CHD6: variants seen among roughly 807,000 people sequenced by gnomAD.
CHD6 encodes the protein chromodomain helicase DNA binding protein 6, also known as ATP-dependent chromatin remodeler CHD6.
Under a neutral mutation model 276.9 loss-of-function variants are expected in CHD6, and 50 were observed. That is an observed-to-expected ratio of 0.18 (90% CI 0.14 to 0.23). The LOEUF is 0.23. Ranked by LOEUF, CHD6 falls within the 10% of genes least tolerant of loss-of-function variation. The pLI is 1.00. For missense variants in CHD6, 2,564 were observed against 3,365.8 expected, an observed-to-expected ratio of 0.76 and a Z score of 5.89; for synonymous variants, 1,173 against 1,229.3, an observed-to-expected ratio of 0.95 and a Z score of 0.96.
At chr20:41,505,687 G>C (rs1023968636) in intron 5 of CHD6, among the ~76,000 whole-genome samples, 2 of 151,928 alleles carry the variant, frequency 1.3e-5, no homozygotes, top group Non-Finnish European at 2.9e-5. Context: ...GAGCAGTCTA[G>C]GGCCTAGTTT....
chr20:41,590,240 A>G (rs975114857), intron 1 of CHD6, among the ~76,000 whole-genome samples: 1 of 152,244 alleles, frequency 6.6e-6, no homozygotes, highest in African/African-American at 2.4e-5. Context: ...CTTACATGTT[A>G]GACCTAAAAC....
At chr20:41,493,411 A>G in intron 10 of CHD6, 127 bp downstream of exon 10, 3 of 938,616 alleles carry the variant, frequency 3.2e-6, no homozygotes, top group Non-Finnish European at 4.9e-6. Context: ...TGAGGGTTCA[A>G]TGAGAAGTAA....
chr20:41,435,969 C>A (rs1212366731), intron 27 of CHD6, among the ~76,000 whole-genome samples: 1 of 152,068 alleles, frequency 6.6e-6, no homozygotes, highest in African/African-American at 2.4e-5. Context: ...ATATGCCAAA[C>A]TGATTTTTAA....
At chr20:41,528,155 G>C (rs1235412924) in intron 3 of CHD6, among the ~76,000 whole-genome samples, 1 of 152,102 alleles carries the variant, frequency 6.6e-6, no homozygotes, top group Non-Finnish European at 1.5e-5. Context: ...TAGCTTCTCT[G>C]AGAAACTGGC....
intron 16 of CHD6, 91 bp downstream of exon 16, chr20:41,483,218 T>G (rs1381529419): frequency 4.3e-6 from 5 of 1,164,120 alleles, no homozygotes; most frequent in East Asian, 5.0e-5. Flanking sequence ...GAATGTTTTG[T>G]GTTTAAACAA....
At chr20:41,430,348 C>T (rs140557523) in intron 27 of CHD6, among the ~76,000 whole-genome samples, 1 of 152,092 alleles carries the variant, frequency 6.6e-6, no homozygotes, top group African/African-American at 2.4e-5. Context: ...TATATAAGAG[C>T]GCTTAAGTTA....
chr20:41,494,760 A>G (rs2043640818), intron 8 of CHD6, among the ~76,000 whole-genome samples: 1 of 152,184 alleles, frequency 6.6e-6, no homozygotes, highest in African/African-American at 2.4e-5. Flanking sequence ...TTCATCGTCT[A>G]ATCAATGCAG....
chr20:41,582,874 T>A (rs1484202980), intron 1 of CHD6, among the ~76,000 whole-genome samples: 1 of 152,076 alleles, frequency 6.6e-6, no homozygotes, highest in East Asian at 1.9e-4. Context: ...ATAAGAACAC[T>A]CTACACAGTC....
At chr20:41,554,914 T>C (rs1446676910) in intron 1 of CHD6, among the ~76,000 whole-genome samples, 4 of 149,804 alleles carry the variant, frequency 2.7e-5, no homozygotes, top group East Asian at 2.0e-4. Flanking sequence ...CCAGACGGGG[T>C]GGTGGCCAGG....
chr20:41,498,290 A>G (rs550379458), intron 6 of CHD6, 64 bp from the exon 7 acceptor site: 21 of 1,097,140 alleles, frequency 1.9e-5, no homozygotes, highest in East Asian at 4.9e-5. Context: ...CTGAGCCAAA[A>G]GAAAACAGGT....
At chr20:41,511,766 T>G (rs1369516500) in intron 5 of CHD6, among the ~76,000 whole-genome samples, 2 of 152,182 alleles carry the variant, frequency 1.3e-5, no homozygotes, top group Non-Finnish European at 2.9e-5. Context: ...TTTATAAAGT[T>G]CATGTTGGAA....
intron 15 of CHD6, among the ~76,000 whole-genome samples, chr20:41,483,902 TA>T (rs960761258): frequency 6.6e-6 from 1 of 151,792 alleles, no homozygotes; most frequent in Non-Finnish European, 1.5e-5. Context: ...AGTTTCATAG[TA>T]AAAAAAAATC....
chr20:41,592,353 T>C (rs371532323), intron 1 of CHD6, among the ~76,000 whole-genome samples: 30 of 152,140 alleles, frequency 2.0e-4, no homozygotes, highest in South Asian at 1.9e-3. Flanking sequence ...GAAAACAAAA[T>C]AGAAAAACTT....
At chr20:41,607,294 G>A (rs780612161) in intron 1 of CHD6, among the ~76,000 whole-genome samples, 4 of 152,134 alleles carry the variant, frequency 2.6e-5, no homozygotes, top group South Asian at 2.1e-4. Flanking sequence ...CTGGCTTAAC[G>A]GTTGATCCTT....
At chr20:41,416,179 C>A (rs1031870526) in intron 33 of CHD6, among the ~76,000 whole-genome samples, 3 of 152,206 alleles carry the variant, frequency 2.0e-5, no homozygotes, top group Non-Finnish European at 1.5e-5. Flanking sequence ...GAGCTCAGTT[C>A]TCTAAGGGTC....
rs2043095369 is a variant in CHD6, at chr20:41,473,204, C to T, written c.2664+118G>A. 1.1e-6 allele frequency: 1 copy of T among 923,486 alleles called. No homozygotes were observed. Among genetic ancestry groups the T allele is most frequent in the East Asian group, 2.6e-5 (1 of 38,762 alleles). The allele number at this position is 923,486 out of a possible 1,614,324, so 57.2% of individuals were successfully genotyped here. ...CCCCTGACCAAGGCCCTAAGCCTGTCATCCAGCTGACACCATAGCATAGAG... is the reference window on the plus strand; with the variant it reads ...CCCCTGACCAAGGCCCTAAGCCTGTTATCCAGCTGACACCATAGCATAGAG... On this transcript the variant is annotated intron_variant, in intron 17 of 36. Transcript: ENST00000373233. This position sits in a 1 kb window ranked among gnomAD's most constrained non-coding sequence, Gnocchi z 4.1.
rs552516388 is a variant in CHD6, at chr20:41,409,263, C to A, written c.7251+2881G>T. Among the ~76,000 whole-genome samples the A allele has an allele frequency of 2.6e-5, 4 of 152,324 alleles. No homozygotes were observed. The East Asian group carries it at 7.7e-4, about 29-fold the overall frequency. ...GTGCCCCTCCCAGCAGCGCGGCGAC[C>A]ACACACAGCGGCCAGGCGGGCTTTG... On this transcript the variant is annotated intron_variant, in intron 36 of 36. Transcript: ENST00000373233.
intron 17 of CHD6, among the ~76,000 whole-genome samples, chr20:41,464,558 C>G (rs1339321082): frequency 9.8e-5 from 15 of 152,318 alleles, no homozygotes; most frequent in Non-Finnish European, 1.5e-5. Flanking sequence ...GAGGAGGAGA[C>G]TATAATGAAC....
chr20:41,453,103 A>G (rs888108289), intron 20 of CHD6, among the ~76,000 whole-genome samples, 161 bp from the exon 21 acceptor site: 2 of 152,172 alleles, frequency 1.3e-5, no homozygotes, highest in African/African-American at 4.8e-5. Context: ...CCATGACCAC[A>G]GGACAAGCAG....
Sources: allele counts gnomAD v4.1 joint callset (sites outside exome capture counted in the v4.1 genomes callset), GRCh38; gene constraint gnomAD v4.1.1; non-coding constraint Gnocchi (gnomAD v3.1); transcripts MANE v1.5; gene names NCBI Gene and HGNC (gene_info 2026-07-23, HGNC 2026-07-21).